The following L3MBTL4 variants were observed in gnomAD, a reference collection of about 807,000 sequenced individuals.
L3MBTL4 encodes the protein L3MBTL histone methyl-lysine binding protein 4.
In L3MBTL4, 70 loss-of-function variants were observed where a neutral mutation model predicts 84.5. The observed-to-expected ratio is 0.83, with a 90% CI of 0.68 to 1.01. L3MBTL4 has a LOEUF of 1.01. Ranked by LOEUF, L3MBTL4 falls within the 50% of genes least tolerant of loss-of-function variation. L3MBTL4 has a pLI of 0.00. For missense variants in L3MBTL4, 715 were observed against 754.8 expected, an observed-to-expected ratio of 0.95 and a Z score of 0.62; for synonymous variants, 274 against 259.8, an observed-to-expected ratio of 1.05 and a Z score of -0.52.
At position 6,083,093 on chromosome 18, in the gene L3MBTL4, C is replaced by CA. The variant is rs528828843; in HGVS notation, c.1374-2143dup. ...AGCCAAAATCAGGTCTTAATGGAGC[C>CA]AAAATGAAGTCCAATCTCAAGTCTT... is the stretch of plus-strand genomic sequence containing the variant. On this transcript the variant is annotated intron_variant, in intron 15 of 18. Transcript: ENST00000317931. Among the ~76,000 whole-genome samples the CA allele has an allele frequency of 2.1e-3, 326 of 152,276 alleles. 1 individual carries two copies. Among genetic ancestry groups the CA allele is most frequent in the African/African-American group, 7.3e-3 (302 of 41,550 alleles).
At chr18:6,058,971 G>C (rs1234390467) in intron 16 of L3MBTL4, among the ~76,000 whole-genome samples, 1 of 152,196 alleles carries the variant, frequency 6.6e-6, no homozygotes, top group Non-Finnish European at 1.5e-5. Flanking sequence ...CCAGTAATAA[G>C]ATCTGCTTCT....
At chr18:6,254,412 C>CTTT (rs763440464) in intron 5 of L3MBTL4, among the ~76,000 whole-genome samples, 9 of 112,694 alleles carry the variant, frequency 8.0e-5, no homozygotes, top group Non-Finnish European at 1.1e-4. Flanking sequence ...AAAGTGACAC[C>CTTT]TTTTTTTTTT....
chr18:6,196,664 C>G (rs2045411154), intron 12 of L3MBTL4, among the ~76,000 whole-genome samples: 1 of 152,190 alleles, frequency 6.6e-6, no homozygotes, highest in Non-Finnish European at 1.5e-5. Flanking sequence ...CTCTGATCCC[C>G]TTCTCAGTGT....
intron 14 of L3MBTL4, among the ~76,000 whole-genome samples, chr18:6,122,119 A>G (rs1327768757): frequency 1.3e-5 from 2 of 152,206 alleles, no homozygotes; most frequent in African/African-American, 4.8e-5. Flanking sequence ...AAATAATAAA[A>G]CTTACATCAC....
chr18:6,149,908 T>C lies in L3MBTL4; in HGVS notation c.1097-11612A>G, dbSNP rs370787029. Reference sequence around the variant, plus strand: ...CTCTCTCTCTCCCCATTCCTCCACATTGCCTTAAGCAAATTGACACTAAAC... The same window carrying C: ...CTCTCTCTCTCCCCATTCCTCCACACTGCCTTAAGCAAATTGACACTAAAC... On this transcript the variant is annotated intron_variant, in intron 13 of 18. Transcript: ENST00000317931. 1.1e-4 allele frequency among the ~76,000 whole-genome samples: 17 copies of C among 152,278 alleles called. No homozygotes were observed. In the East Asian group the frequency reaches 3.1e-3, roughly 28 times the overall value.
rs1038237278 is a variant in L3MBTL4, at chr18:6,311,656, T to C, written c.-31A>G. ...CCCCCGCACTCCTTGGCAGTGGTTT[T>C]CTGTAAAACAGGGTTACATAAGAAG... On this transcript the variant is annotated splice_region_variant and 5_prime_UTR_variant, in exon 3 of 19. In the 5' UTR this introduces an upstream ATG that the reference lacks. Transcript: ENST00000317931. 6.9e-6 allele frequency: 11 copies of C among 1,586,470 alleles called. No homozygotes were observed. The highest frequency in any genetic ancestry group is 8.7e-6 in the Non-Finnish European group (10 of 1,155,052).
At chr18:6,246,419 A>G (rs533344448) in intron 5 of L3MBTL4, among the ~76,000 whole-genome samples, 1 of 152,298 alleles carries the variant, frequency 6.6e-6, no homozygotes, top group African/African-American at 2.4e-5. Flanking sequence ...CTTTAAGCAC[A>G]CAGTTTTGAA....
At chr18:6,226,675 A>G (rs187919737) in intron 10 of L3MBTL4, among the ~76,000 whole-genome samples, 127 of 152,288 alleles carry the variant, frequency 8.3e-4, no homozygotes, top group African/African-American at 3.0e-3. Flanking sequence ...AAAGTGATAT[A>G]ATAAAGTAGA....
intron 4 of L3MBTL4, among the ~76,000 whole-genome samples, chr18:6,273,590 G>A (rs113029845): frequency 2.1e-5 from 2 of 95,926 alleles, no homozygotes; most frequent in African/African-American, 4.9e-5. Flanking sequence ...ATGACAGTCG[G>A]AAGTGGGAGC....
intron 3 of L3MBTL4, among the ~76,000 whole-genome samples, chr18:6,302,419 G>T (rs1297968996): frequency 2.0e-5 from 3 of 152,196 alleles, no homozygotes; most frequent in African/African-American, 7.2e-5. Flanking sequence ...GAATGGACAA[G>T]CGACTTCAAA....
At chr18:6,389,049 C>G (rs1241918423) in intron 1 of L3MBTL4, among the ~76,000 whole-genome samples, 1 of 152,122 alleles carries the variant, frequency 6.6e-6, no homozygotes, top group African/African-American at 2.4e-5. Flanking sequence ...TGATTTGTCA[C>G]AAGGTACAGG....
intron 4 of L3MBTL4, among the ~76,000 whole-genome samples, chr18:6,267,339 G>A (rs959953555): frequency 6.6e-6 from 1 of 152,128 alleles, no homozygotes. Context: ...TTCTTGTATT[G>A]TTTGGAAATA....
intron 1 of L3MBTL4, among the ~76,000 whole-genome samples, chr18:6,351,022 T>A (rs2053158455): frequency 6.6e-6 from 1 of 152,060 alleles, no homozygotes; most frequent in Admixed American, 6.6e-5. Context: ...TGAAACCCCA[T>A]CTCTCCTAAA....
intron 16 of L3MBTL4, among the ~76,000 whole-genome samples, chr18:5,993,336 G>A (rs1166384789): frequency 6.6e-6 from 1 of 152,188 alleles, no homozygotes; most frequent in African/African-American, 2.4e-5. Flanking sequence ...AAGCACAGCT[G>A]GGTGAAAATG....
chr18:5,996,641 G>C (rs939401071), intron 16 of L3MBTL4, among the ~76,000 whole-genome samples: 1 of 152,076 alleles, frequency 6.6e-6, no homozygotes, highest in South Asian at 2.1e-4. Flanking sequence ...GAAAAGACTG[G>C]GCCTGACCAC....
chr18:6,080,667 C>A (rs538687826), intron 16 of L3MBTL4, among the ~76,000 whole-genome samples: 2 of 152,098 alleles, frequency 1.3e-5, no homozygotes, highest in African/African-American at 4.8e-5. Context: ...AGAGTCCAGT[C>A]CTTTTACTTT....
intron 10 of L3MBTL4, among the ~76,000 whole-genome samples, chr18:6,220,628 C>T (rs528796107): frequency 1.3e-5 from 2 of 152,318 alleles, no homozygotes; most frequent in African/African-American, 4.8e-5. Flanking sequence ...TTTCATTTCT[C>T]TTGCTCCATT....
chr18:6,059,101 G>T, intron 16 of L3MBTL4, among the ~76,000 whole-genome samples: 1 of 152,316 alleles, frequency 6.6e-6, no homozygotes, highest in Middle Eastern at 3.4e-3. Context: ...GACTGATTAC[G>T]CATCTAGTCT....
chr18:6,373,499 C>G (rs1264056656), intron 1 of L3MBTL4, among the ~76,000 whole-genome samples: 1 of 152,088 alleles, frequency 6.6e-6, no homozygotes, highest in African/African-American at 2.4e-5. Context: ...TCACCAAACC[C>G]CTATTCCTAT....
Sources: gnomAD v4.1 joint callset for allele counts (sites outside exome capture counted in the v4.1 genomes callset) on GRCh38, gnomAD v4.1.1 for gene constraint, MANE v1.5 for transcripts, NCBI Gene and HGNC (gene_info 2026-07-23, HGNC 2026-07-21) for gene names.